The following SLC8B1 variants were observed in gnomAD, a reference collection of about 807,000 sequenced individuals.
SLC8B1 encodes solute carrier family 8 member B1, also known as mitochondrial sodium/calcium exchanger protein.
A neutral mutation model predicts 63.4 loss-of-function variants in SLC8B1; 52 were observed. The ratio of observed to expected loss-of-function variants is 0.82; its 90% CI spans 0.66 to 1.03. The LOEUF is 1.03. Ranked by LOEUF, SLC8B1 falls within the 50% of genes least tolerant of loss-of-function variation. The pLI is 0.00. For missense variants in SLC8B1, 657 were observed against 741.7 expected (o/e 0.89, Z 1.33); for synonymous variants, 336 against 323.9 (o/e 1.04, Z -0.40).
At chr12:113,328,114 C>A (rs1765168490) in intron 2 of SLC8B1, among the ~76,000 whole-genome samples, 1 of 152,096 alleles carries the variant, frequency 6.6e-6, no homozygotes, top group Non-Finnish European at 1.5e-5. Flanking sequence ...CTCACTCCAG[C>A]CTCAACCACT....
intron 2 of SLC8B1, among the ~76,000 whole-genome samples, chr12:113,332,315 A>G (rs1957066834): frequency 6.6e-6 from 1 of 152,154 alleles, no homozygotes; most frequent in African/African-American, 2.4e-5. Flanking sequence ...TTCGCCGCCC[A>G]GGCTGGAGTG....
intron 2 of SLC8B1, among the ~76,000 whole-genome samples, chr12:113,324,031 G>A (rs1956963768): frequency 1.3e-5 from 2 of 152,174 alleles, no homozygotes; most frequent in South Asian, 4.1e-4. Context: ...GAAATCTGTG[G>A]CCAGGTAAAC....
intron 2 of SLC8B1, among the ~76,000 whole-genome samples, chr12:113,324,556 A>T (rs1956973439): frequency 6.6e-6 from 1 of 151,402 alleles, no homozygotes; most frequent in African/African-American, 2.4e-5. Flanking sequence ...ACAGGTGCCC[A>T]CCGACACGCC....
intron 7 of SLC8B1, 30 bp from the exon 8 acceptor site, chr12:113,319,101 T>C: frequency 4.5e-6 from 7 of 1,541,948 alleles, no homozygotes; most frequent in Non-Finnish European, 5.4e-6. Flanking sequence ...CGTCACCAAG[T>C]GGTGTCCTGG....
intron 7 of SLC8B1, chr12:113,319,334 A>C: frequency 2.5e-6 from 1 of 403,340 alleles, no homozygotes; most frequent in Admixed American, 3.7e-5. Flanking sequence ...TTCAAGTACT[A>C]AGGGTCGGTG....
chr12:113,306,029 A>T (rs1956667524), intron 14 of SLC8B1, among the ~76,000 whole-genome samples: 1 of 139,642 alleles, frequency 7.2e-6, no homozygotes, highest in Non-Finnish European at 1.5e-5. Context: ...ACCGCACTCC[A>T]GCCTGGGCAA....
At chr12:113,319,387 C>G (rs1956887954) in intron 7 of SLC8B1, 1 of 275,990 alleles carries the variant, frequency 3.6e-6, no homozygotes, top group Admixed American at 4.8e-5. Flanking sequence ...GTAGCTCTGG[C>G]TACAGCTAGG....
chr12:113,299,835 T>A lies in SLC8B1; in HGVS notation c.1697A>T (p.Asn566Ile). The change falls in exon 16 of 16, where the codon AAC becomes ATC. Residue 566 changes from asparagine (N) to isoleucine (I), a missense_variant. Transcript: ENST00000680972. The part of the protein sequence containing the change: ...YGFCLLLFYL[N>I]FLVVALLTEF... Reference sequence around the variant, plus strand: ...AGTGAGGAGGGCCACGACAAGGAAGTTCAGGTAGAAGAGGAGCAGGCAGAA... The same window carrying A: ...AGTGAGGAGGGCCACGACAAGGAAGATCAGGTAGAAGAGGAGCAGGCAGAA... 6.2e-7 allele frequency: 1 copy of A among 1,614,128 alleles called. No homozygotes were observed. Among genetic ancestry groups the A allele is most frequent in the East Asian group, 2.2e-5 (1 of 44,876 alleles).
In SLC8B1 at chr12:113,320,803, C is replaced by A. The variant is rs373976052; in HGVS notation, c.420+47G>T. 2.7e-5 allele frequency: 43 copies of A among 1,583,876 alleles called. No homozygotes were observed. Among genetic ancestry groups the A allele is most frequent in the Non-Finnish European group, 3.6e-5 (42 of 1,165,936 alleles). On this transcript the variant is annotated intron_variant, in intron 5 of 15. Transcript: ENST00000680972. The surrounding 1 kb of genome is among the most constrained non-coding windows in gnomAD (Gnocchi z 5.3). ...ACATGACCCTATCTCCCAGCCTCCC[C>A]ACAACTGCCCTCCCTCCAGGGTGCA... is the stretch of plus-strand genomic sequence containing the variant.
Position 113,321,088 on chromosome 12 carries a change from C to T in SLC8B1, c.330G>A (p.Leu110=), listed in dbSNP as rs759862899. 9 of 1,613,796 alleles carry T rather than the reference C, an allele frequency of 5.6e-6. No individual in the cohort carries two copies. Among genetic ancestry groups the T allele is most frequent in the Non-Finnish European group, 6.8e-6 (8 of 1,179,926 alleles). ...VTLYVSWLLY[L]FLILGVTAAK... is the part of the protein sequence containing the mutation. ...CTGCGGTGACTCCCAGAATCAGAAA[C>T]AGGTAGAGCAGCCAGGAAACCTGGG... The change falls in exon 4 of 16, where the codon CTG becomes CTA. Residue 110 remains leucine (L), a synonymous_variant. Coordinates refer to ENST00000680972, the MANE Select transcript of SLC8B1 (RefSeq NM_001358345.2).
At chr12:113,329,279 T>C (rs1957030665) in intron 2 of SLC8B1, among the ~76,000 whole-genome samples, 1 of 152,154 alleles carries the variant, frequency 6.6e-6, no homozygotes, top group Admixed American at 6.5e-5. Flanking sequence ...AGCCCACCAC[T>C]GAGAAGTGGC....
At chr12:113,319,287 T>C (rs565214832) in intron 7 of SLC8B1, 1 of 515,892 alleles carries the variant, frequency 1.9e-6, no homozygotes, top group South Asian at 2.0e-5. Flanking sequence ...ATCAAGGAGG[T>C]AATACCCAAG....
chr12:113,332,612 G>A lies in SLC8B1; in HGVS notation c.156+111C>T, dbSNP rs540767577. 64 of 1,293,982 alleles carry A rather than the reference G, an allele frequency of 4.9e-5. No individual in the cohort carries two copies. In the South Asian group the frequency reaches 8.7e-4, roughly 18 times the overall value. The allele number at this position is 1,293,982 out of a possible 1,614,324, so 80.2% of individuals were successfully genotyped here. A position where few individuals can be genotyped will look rare whatever the true frequency, so the allele number is the denominator to read the frequency against. On this transcript the variant is annotated intron_variant, in intron 2 of 15. Transcript: ENST00000680972. The stretch of plus-strand genomic sequence containing the variant: ...TGAATTTTGTCTCTATTGTTCCCCG[G>A]TATATCCCAGGCTGCGGTCAGTGCC...
At position 113,319,082 on chromosome 12, in the gene SLC8B1, G is replaced by C; in HGVS notation, c.695-11C>G. ...ACAAGCCCAGGTAACCTGCAGACGGGGTGCACGCCGTCACCAAGTGGTGTC... is the reference window on the plus strand; with the variant it reads ...ACAAGCCCAGGTAACCTGCAGACGGCGTGCACGCCGTCACCAAGTGGTGTC... On this transcript the variant is annotated splice_polypyrimidine_tract_variant and intron_variant, in intron 7 of 15. Coordinates refer to ENST00000680972, the MANE Select transcript of SLC8B1 (RefSeq NM_001358345.2). The C allele has an allele frequency of 2.5e-6, 4 of 1,594,658 alleles. No homozygotes were observed. The highest frequency in any genetic ancestry group is 1.1e-5 in the South Asian group (1 of 90,688).
intron 12 of SLC8B1, chr12:113,308,544 A>G (rs1956710050): frequency 6.6e-6 from 1 of 152,092 alleles, no homozygotes. Context: ...CAACTCGACC[A>G]CTACTCTGCT....
In SLC8B1 at chr12:113,332,888, C is replaced by A; in HGVS notation, c.-10G>T. The A allele has an allele frequency of 1.2e-6, 2 of 1,613,192 alleles. No homozygotes were observed. The highest frequency in any genetic ancestry group is 1.1e-5 in the South Asian group (1 of 91,038). On this transcript the variant is annotated 5_prime_UTR_variant, in exon 2 of 16. Transcript: ENST00000680972. ...GCCTTCTGCCGGCCATCTGCCCCCA[C>A]GGGGCCTGGCCCTTACTCTCCACTT...
At position 113,334,496 on chromosome 12, in the gene SLC8B1, A is replaced by C. The variant is rs1957102243; in HGVS notation, c.-136T>G. The C allele has an allele frequency of 6.6e-6, 1 of 152,114 alleles. No individual in the cohort carries two copies. The highest frequency in any genetic ancestry group is 2.1e-4 in the South Asian group (1 of 4,814). The allele number at this position is 152,114 out of a possible 1,614,324, so 9.4% of individuals were successfully genotyped here. A position where few individuals can be genotyped will look rare whatever the true frequency, so the allele number is the denominator to read the frequency against. On this transcript the variant is annotated 5_prime_UTR_variant, in exon 1 of 16. Transcript: ENST00000680972. ...TTCTATGGTTCTCCCGAACCCCTCC[A>C]ACTGGAGTCCGAGTTACTCTATTTG... is the stretch of plus-strand genomic sequence containing the variant.
intron 11 of SLC8B1, 89 bp from the exon 12 acceptor site, chr12:113,310,444 C>T: frequency 1.3e-6 from 2 of 1,524,092 alleles, no homozygotes; most frequent in South Asian, 1.3e-5. Context: ...TAGACACTTC[C>T]TATCTGCCCA....
chr12:113,332,910 A>G lies in SLC8B1; in HGVS notation c.-32T>C. ...CCACGGGGCCTGGCCCTTACTCTCC[A>G]CTTCCCTTTCTGCAGTAGCTCAGTT... On this transcript the variant is annotated 5_prime_UTR_variant, in exon 2 of 16. Coordinates refer to ENST00000680972, the MANE Select transcript of SLC8B1 (RefSeq NM_001358345.2). The G allele has an allele frequency of 6.2e-7, 1 of 1,607,594 alleles. No homozygotes were observed. Among genetic ancestry groups the G allele is most frequent in the Non-Finnish European group, 8.5e-7 (1 of 1,177,692 alleles).
Sources: gnomAD v4.1 joint callset for allele counts (sites outside exome capture counted in the v4.1 genomes callset) on GRCh38, gnomAD v4.1.1 for gene constraint, Gnocchi (gnomAD v3.1) non-coding constraint, MANE v1.5 for transcripts, NCBI Gene and HGNC (gene_info 2026-07-23, HGNC 2026-07-21) for gene names.